Variants in DIS3L2 observed in about 807,000 individuals in gnomAD.
The protein encoded by DIS3L2 is DIS3-like exonuclease 2.
Under a neutral mutation model 97.5 loss-of-function variants are expected in DIS3L2, and 34 were observed. That is an observed-to-expected ratio of 0.35 (90% CI 0.27 to 0.46). DIS3L2 has a LOEUF of 0.46. Ranked by LOEUF, DIS3L2 falls within the 20% of genes least tolerant of loss-of-function variation. The pLI, the probability that DIS3L2 is intolerant of heterozygous loss-of-function variation, is 1.00. For synonymous variants in DIS3L2, 435 were observed against 445.2 expected, an observed-to-expected ratio of 0.98 and a Z score of 0.29; for missense variants, 1,038 against 1,146.0, an observed-to-expected ratio of 0.91 and a Z score of 1.36.
chr2:232,082,636 G>T (rs1206599327), intron 5 of DIS3L2, among the ~76,000 whole-genome samples: 1 of 152,194 alleles, frequency 6.6e-6, no homozygotes, highest in East Asian at 1.9e-4. Flanking sequence ...CACTGAAAAG[G>T]TTGGAGACTG....
At position 232,268,313 on chromosome 2, in the gene DIS3L2, G is replaced by A. The variant is rs1559183834; in HGVS notation, c.1659+4873G>A. Among the ~76,000 whole-genome samples the A allele has an allele frequency of 1.3e-5, 2 of 152,180 alleles. No individual in the cohort carries two copies. Among genetic ancestry groups the A allele is most frequent in the Admixed American group, 1.3e-4 (2 of 15,284 alleles). ...CCCAAACTGCAGGCAGTTTCTTTGA[G>A]TGGACTTGATTGTAAAGATAGCCTT... On this transcript the variant is annotated intron_variant, in intron 13 of 20. Coordinates refer to ENST00000325385, the MANE Select transcript of DIS3L2 (RefSeq NM_152383.5). This position sits in a 1 kb window ranked among gnomAD's most constrained non-coding sequence, Gnocchi z 4.1.
intron 8 of DIS3L2, among the ~76,000 whole-genome samples, chr2:232,157,839 G>A (rs1690538211): frequency 6.6e-6 from 1 of 152,182 alleles, no homozygotes; most frequent in African/African-American, 2.4e-5. Flanking sequence ...CTTGTGCTTT[G>A]TTCCTATGTC....
chr2:232,182,209 G>C (rs1280446100), intron 9 of DIS3L2, among the ~76,000 whole-genome samples: 1 of 152,028 alleles, frequency 6.6e-6, no homozygotes, highest in Non-Finnish European at 1.5e-5. Flanking sequence ...TTTAGGAGTA[G>C]GTTGTTTAAT....
At chr2:232,272,841 A>G (rs1250232101) in intron 13 of DIS3L2, among the ~76,000 whole-genome samples, 2 of 152,152 alleles carry the variant, frequency 1.3e-5, no homozygotes, top group African/African-American at 4.8e-5. Context: ...TCTGCTGGTG[A>G]GGACCAGTGG....
At chr2:232,029,602 C>T (rs1694749019) in intron 4 of DIS3L2, among the ~76,000 whole-genome samples, 1 of 151,932 alleles carries the variant, frequency 6.6e-6, no homozygotes, top group Non-Finnish European at 1.5e-5. Flanking sequence ...TCTTTGCCCT[C>T]TACTTAGGTC....
chr2:232,027,366 C>A (rs1362506958), intron 4 of DIS3L2, among the ~76,000 whole-genome samples: 2 of 152,056 alleles, frequency 1.3e-5, no homozygotes, highest in African/African-American at 4.8e-5. Flanking sequence ...GAACCAGGGC[C>A]TAATTGTTAC....
At chr2:232,263,176 C>T in intron 12 of DIS3L2, 31 bp from the exon 13 acceptor site, 1 of 1,606,090 alleles carries the variant, frequency 6.2e-7, no homozygotes, top group Non-Finnish European at 8.5e-7. Flanking sequence ...TTTGTCCTCA[C>T]AATTCCCTTG....
intron 1 of DIS3L2, among the ~76,000 whole-genome samples, chr2:231,969,341 C>G (rs1231023548): frequency 1.5e-5 from 2 of 131,002 alleles, no homozygotes; most frequent in East Asian, 2.2e-4. Context: ...GTTGGAGTCT[C>G]GTTCTATTGC....
intron 8 of DIS3L2, among the ~76,000 whole-genome samples, chr2:232,141,110 A>G (rs1447465950): frequency 6.6e-6 from 1 of 152,012 alleles, no homozygotes; most frequent in East Asian, 1.9e-4. Context: ...GAGCTTCCCA[A>G]CCTCTTAAAT....
intron 14 of DIS3L2, among the ~76,000 whole-genome samples, chr2:232,323,210 G>A (rs999369673): frequency 1.3e-5 from 2 of 152,242 alleles, no homozygotes; most frequent in African/African-American, 4.8e-5. Flanking sequence ...ACCTGGTTCT[G>A]CTTGGGGGCA....
intron 1 of DIS3L2, among the ~76,000 whole-genome samples, chr2:231,968,205 C>T (rs1361485940): frequency 1.3e-5 from 2 of 151,076 alleles, no homozygotes; most frequent in Admixed American, 6.6e-5. Context: ...TCATACCATT[C>T]TCCTGCCTCA....
intron 9 of DIS3L2, among the ~76,000 whole-genome samples, chr2:232,197,311 A>G (rs143810273): frequency 4.6e-4 from 70 of 152,332 alleles, no homozygotes; most frequent in African/African-American, 1.5e-3. Flanking sequence ...TTACATATTA[A>G]CTATGTCACT....
rs906976692 is a variant in DIS3L2 at position 232,337,084 on chromosome 2, A to G, written c.*454A>G. On this transcript the variant is annotated 3_prime_UTR_variant, in exon 21 of 21. Coordinates refer to ENST00000325385, the MANE Select transcript of DIS3L2 (RefSeq NM_152383.5). ...ACCCCTCGCTGCTGAGCCGATGTCA[A>G]CACCTGGAACTTTCCTGTCAGTTCC... 9.7e-7 allele frequency: 1 copy of G among 1,025,868 alleles called. No individual in the cohort carries two copies. The highest frequency in any genetic ancestry group is 1.2e-6 in the Non-Finnish European group (1 of 857,020). 63.5% of individuals were successfully genotyped at this position (1,025,868 alleles called of 1,614,324 possible). A position where few individuals can be genotyped will look rare whatever the true frequency, so the allele number is the denominator to read the frequency against.
chr2:232,049,374 A>G (rs972076560), intron 5 of DIS3L2, among the ~76,000 whole-genome samples: 1 of 152,216 alleles, frequency 6.6e-6, no homozygotes, highest in East Asian at 1.9e-4. Context: ...TGTTAGAAAC[A>G]TAATCTCAAA....
chr2:232,002,781 T>C (rs1349672956), intron 1 of DIS3L2, among the ~76,000 whole-genome samples: 1 of 152,228 alleles, frequency 6.6e-6, no homozygotes, highest in Admixed American at 6.5e-5. Context: ...ATCTACTCAC[T>C]GTAGGTAGCC....
intron 9 of DIS3L2, among the ~76,000 whole-genome samples, chr2:232,196,970 G>A (rs576785625): frequency 1.3e-5 from 2 of 152,198 alleles, no homozygotes; most frequent in South Asian, 4.2e-4. Context: ...TCCCTGAGAA[G>A]TCTCTTTGGA....
intron 12 of DIS3L2, among the ~76,000 whole-genome samples, chr2:232,259,209 T>C (rs907731995): frequency 1.3e-5 from 2 of 151,952 alleles, no homozygotes; most frequent in African/African-American, 4.8e-5. Flanking sequence ...AGCACTGCAG[T>C]CTCCAATTTG....
chr2:232,050,652 GTAGTTTCC>G (rs1401837228), intron 5 of DIS3L2, among the ~76,000 whole-genome samples: 4 of 152,124 alleles, frequency 2.6e-5, no homozygotes, highest in African/African-American at 9.7e-5. Context: ...AGATCTTTAT[GTAGTTTCC>G]TAGTTTAAAC....
chr2:232,147,916 A>G (rs1000858605), intron 8 of DIS3L2, among the ~76,000 whole-genome samples: 5 of 151,168 alleles, frequency 3.3e-5, no homozygotes, highest in Non-Finnish European at 7.4e-5. Context: ...ACAGGATAGG[A>G]TTCTCTTTTC....
Sources: allele counts gnomAD v4.1 joint callset (sites outside exome capture counted in the v4.1 genomes callset), GRCh38; gene constraint gnomAD v4.1.1; non-coding constraint Gnocchi (gnomAD v3.1); transcripts MANE v1.5; gene names NCBI Gene and HGNC (gene_info 2026-07-23, HGNC 2026-07-21).